Variants in RTKN2 observed in about 807,000 individuals in gnomAD.
RTKN2 encodes the protein rhotekin 2.
In RTKN2, 69 loss-of-function variants were observed where a neutral mutation model predicts 71.5. That is an observed-to-expected ratio of 0.96 (90% CI 0.79 to 1.18). The LOEUF is 1.18. Among genes scored for constraint, RTKN2 ranks in the 50% most tolerant of loss-of-function variants. The pLI, the probability that RTKN2 is intolerant of heterozygous loss-of-function variation, is 0.00. For missense variants in RTKN2, 724 were observed against 719.7 expected, an observed-to-expected ratio of 1.01 and a Z score of -0.07; for synonymous variants, 236 against 236.5, an observed-to-expected ratio of 1.00 and a Z score of 0.02.
At chr10:62,189,896 C>T (rs1328538802), downstream of RTKN2, among the ~76,000 whole-genome samples, 1 of 151,028 alleles carries the variant, frequency 6.6e-6, no homozygotes, top group South Asian at 2.1e-4. Context: ...TTTCTGTTGC[C>T]TTCTACCTAA....
chr10:62,197,518 A>C lies in RTKN2; in HGVS notation c.*390T>G, dbSNP rs1289067659. 8.1e-6 allele frequency: 8 copies of C among 991,364 alleles called. No homozygotes were observed. The highest frequency in any genetic ancestry group is 9.6e-6 in the Non-Finnish European group (8 of 833,420). The allele number at this position is 991,364 out of a possible 1,614,324, so 61.4% of individuals were successfully genotyped here. On this transcript the variant is annotated 3_prime_UTR_variant, in exon 12 of 12. Coordinates refer to ENST00000373789, the MANE Select transcript of RTKN2 (RefSeq NM_145307.4). ...CCTTTGAAACATTCCATTAGTATTAAAATTCTCACAATGAGAATATGGTTC... is the reference window on the plus strand; with the variant it reads ...CCTTTGAAACATTCCATTAGTATTACAATTCTCACAATGAGAATATGGTTC...
chr10:62,241,092 C>T (rs779129997), intron 4 of RTKN2, 50 bp downstream of exon 4: 3 of 992,346 alleles, frequency 3.0e-6, no homozygotes, highest in Non-Finnish European at 3.1e-6. Context: ...TAATCAGATA[C>T]ACTACATACT....
chr10:62,188,750 A>T (rs573916729), downstream of RTKN2, among the ~76,000 whole-genome samples: 11 of 149,526 alleles, frequency 7.4e-5, no homozygotes, highest in Admixed American at 2.0e-4. Flanking sequence ...AATTTTTTAA[A>T]TTTTTTTATT....
chr10:62,198,160 A>G lies in RTKN2; in HGVS notation c.1578T>C (p.Val526=). 6.2e-7 allele frequency: 1 copy of G among 1,614,150 alleles called. No individual in the cohort carries two copies. Among genetic ancestry groups the G allele is most frequent in the Non-Finnish European group, 8.5e-7 (1 of 1,180,000 alleles). Reference sequence around the variant, plus strand: ...CACTTGTTTTTCCCCAGTTGTCCTTAACCAATTGATCTGTGTTACTCTGTG... The same window carrying G: ...CACTTGTTTTTCCCCAGTTGTCCTTGACCAATTGATCTGTGTTACTCTGTG... The part of the protein sequence containing the change: ...LKSQSNTDQL[V]KDNWGKTSVS... Residue 526 remains valine, a synonymous_variant, in exon 12 of 12, where the codon GTT becomes GTC. Coordinates refer to ENST00000373789, the MANE Select transcript of RTKN2 (RefSeq NM_145307.4).
At chr10:62,241,073 T>C in intron 4 of RTKN2, 69 bp downstream of exon 4, 1 of 827,298 alleles carries the variant, frequency 1.2e-6, no homozygotes, top group Non-Finnish European at 1.9e-6. Flanking sequence ...AAGCAGTCTT[T>C]TTTCTCAATA....
At chr10:62,253,969 TG>T (rs1842627627) in intron 2 of RTKN2, among the ~76,000 whole-genome samples, 1 of 152,096 alleles carries the variant, frequency 6.6e-6, no homozygotes, top group South Asian at 2.1e-4. Context: ...GTCAGAATAG[TG>T]GCTGATTCTT....
chr10:62,187,277 CAAAAAA>C (rs35517716), intron 8 of RTKN2, among the ~76,000 whole-genome samples: 1 of 120,286 alleles, frequency 8.3e-6, no homozygotes, highest in Non-Finnish European at 1.9e-5. Flanking sequence ...TCACAAATCA[CAAAAAA>C]AAAAAAAAGA....
intron 1 of RTKN2, among the ~76,000 whole-genome samples, chr10:62,263,523 G>C (rs1842815075): frequency 6.6e-6 from 1 of 152,292 alleles, no homozygotes; most frequent in African/African-American, 2.4e-5. Context: ...AATAACTAAT[G>C]TGAACAATAT....
Position 62,195,521 on chromosome 10 carries a change from G to C in RTKN2, c.*2387C>G. On this transcript the variant is annotated 3_prime_UTR_variant, in exon 12 of 12. Transcript: ENST00000373789. ...AAGTGGGAAAAGGGGATGAGACAGA[G>C]AGAGAGGACAGGGGGCCAGAGAAAG... 1.3e-6 allele frequency: 1 copy of C among 765,924 alleles called. No individual in the cohort carries two copies. Among genetic ancestry groups the C allele is most frequent in the African/African-American group, 1.9e-5 (1 of 53,120 alleles). The allele number at this position is 765,924 out of a possible 1,614,324, so 47.4% of individuals were successfully genotyped here.
intron 6 of RTKN2, 29 bp downstream of exon 6, chr10:62,236,037 T>A (rs755150248): frequency 1.4e-6 from 2 of 1,393,706 alleles, no homozygotes; most frequent in Non-Finnish European, 1.0e-6. Flanking sequence ...TATAATTATG[T>A]CACCATAAAT....
At chr10:62,249,402 G>A (rs1038321598) in intron 2 of RTKN2, among the ~76,000 whole-genome samples, 4 of 151,106 alleles carry the variant, frequency 2.6e-5, no homozygotes, top group Non-Finnish European at 3.0e-5. Flanking sequence ...TGGGGGCAGT[G>A]GGAAGGGCAC....
intron 6 of RTKN2, among the ~76,000 whole-genome samples, chr10:62,225,030 T>C (rs562448375): frequency 7.1e-6 from 1 of 140,210 alleles, no homozygotes; most frequent in African/African-American, 2.6e-5. Flanking sequence ...AAGGCTGTCT[T>C]TTTGACCAAA....
intron 5 of RTKN2, chr10:62,238,019 A>T (rs1299805102): frequency 6.6e-6 from 1 of 151,854 alleles, no homozygotes; most frequent in Non-Finnish European, 1.5e-5. Context: ...AAGACTGCAA[A>T]AGAGGTCCAT....
chr10:62,254,689 C>A (rs772074517), intron 2 of RTKN2, among the ~76,000 whole-genome samples: 33 of 152,036 alleles, frequency 2.2e-4, no homozygotes, highest in Non-Finnish European at 3.7e-4. Flanking sequence ...CCTGTAATCC[C>A]AGTGTTTTGG....
chr10:62,200,218 C>T (rs1242021801), intron 10 of RTKN2, among the ~76,000 whole-genome samples: 1 of 151,656 alleles, frequency 6.6e-6, no homozygotes, highest in Non-Finnish European at 1.5e-5. Flanking sequence ...CAAAAATTAG[C>T]TGGGTATGGT....
chr10:62,185,017 C>T (rs201712263), intron 8 of RTKN2, among the ~76,000 whole-genome samples: 54 of 152,312 alleles, frequency 3.5e-4, no homozygotes, highest in East Asian at 3.3e-3. Flanking sequence ...CTGCCATCAT[C>T]ACCATCCCCA....
At chr10:62,202,750 C>T (rs1841469608) in intron 10 of RTKN2, among the ~76,000 whole-genome samples, 1 of 152,172 alleles carries the variant, frequency 6.6e-6, no homozygotes, top group Admixed American at 6.5e-5. Flanking sequence ...TAAATTATTT[C>T]ACATAATCTA....
chr10:62,207,847 T>C (rs1011329379), intron 9 of RTKN2, among the ~76,000 whole-genome samples: 1 of 152,196 alleles, frequency 6.6e-6, no homozygotes, highest in Non-Finnish European at 1.5e-5. Context: ...TCCAATTCTT[T>C]ATGAGGAAAC....
At position 62,203,299 on chromosome 10, in the gene RTKN2, A is replaced by C. The variant is rs1455985050; in HGVS notation, c.1186+1558T>G. On this transcript the variant is annotated intron_variant, in intron 10 of 11. Coordinates refer to ENST00000373789, the MANE Select transcript of RTKN2 (RefSeq NM_145307.4). ...GTTTTAGCTATGATTAGCAAAAGCA[A>C]GGAAGTTCTTGTCTTTTAAGTTATA... Among the ~76,000 whole-genome samples, 4 of 152,186 alleles carry C rather than the reference A, an allele frequency of 2.6e-5. No homozygotes were observed. In the East Asian group the frequency reaches 7.7e-4, roughly 29 times the overall value.
Sources: allele counts gnomAD v4.1 joint callset (sites outside exome capture counted in the v4.1 genomes callset), GRCh38; gene constraint gnomAD v4.1.1; transcripts MANE v1.5; gene names NCBI Gene and HGNC (gene_info 2026-07-23, HGNC 2026-07-21).